SRL: variants seen among roughly 807,000 people sequenced by gnomAD.
SRL encodes the protein sarcalumenin.
Under a neutral mutation model 39.5 loss-of-function variants are expected in SRL, and 23 were observed. The observed-to-expected ratio is 0.58, with a 90% confidence interval of 0.42 to 0.82. The LOEUF is 0.82. SRL is among the 40% of genes least tolerant of loss of function. The pLI is 0.00. For missense variants in SRL, 592 were observed against 607.8 expected, an observed-to-expected ratio of 0.97 and a Z score of 0.27; for synonymous variants, 272 against 237.4, an observed-to-expected ratio of 1.15 and a Z score of -1.34.
chr16:4,240,715 C>G (rs924443010), intron 1 of SRL, among the ~76,000 whole-genome samples: 39 of 152,136 alleles, frequency 2.6e-4, no homozygotes, highest in African/African-American at 8.9e-4. Context: ...TCCTGGGGCC[C>G]AGTGTGTAGC....
chr16:4,192,497 A>T lies in SRL; in HGVS notation c.1078T>A (p.Phe360Ile). 2.5e-6 allele frequency: 4 copies of T among 1,614,178 alleles called. No individual in the cohort carries two copies. The highest frequency in any genetic ancestry group is 3.4e-6 in the Non-Finnish European group (4 of 1,180,024). Reference sequence around the variant, plus strand: ...AAGACCAGTTCTCCATCACTGAAGAAGGTCATTTTGTCCTTGTAAGTCTGC... The same window carrying T: ...AAGACCAGTTCTCCATCACTGAAGATGGTCATTTTGTCCTTGTAAGTCTGC... Reference protein sequence around the residue: ...YLQTYKDKMTFFSDGELVFKD... With the variant: ...YLQTYKDKMTIFSDGELVFKD... The change falls in exon 6 of 6, where the codon TTC becomes ATC. Residue 360 changes from phenylalanine to isoleucine, a missense_variant. Phe to Ile is a conservative substitution (Grantham distance 21). Coordinates refer to ENST00000399609, the MANE Select transcript of SRL (RefSeq NM_001098814.2). This position sits in a 1 kb window ranked among gnomAD's most constrained non-coding sequence, Gnocchi z 4.0.
intron 3 of SRL, among the ~76,000 whole-genome samples, chr16:4,200,508 G>C (rs1422826657): frequency 6.6e-6 from 1 of 152,226 alleles, no homozygotes; most frequent in African/African-American, 2.4e-5. Flanking sequence ...AGCCCAAAAG[G>C]TGAGTGCAGG....
chr16:4,227,045 T>C (rs1291035896), intron 1 of SRL, among the ~76,000 whole-genome samples: 1 of 117,594 alleles, frequency 8.5e-6, no homozygotes, highest in African/African-American at 3.2e-5. Context: ...GATGGATGGA[T>C]GGATGAATGG....
At chr16:4,204,485 G>A (rs1211115268) in intron 2 of SRL, 48 bp downstream of exon 2, 2 of 1,422,344 alleles carry the variant, frequency 1.4e-6, no homozygotes, top group Non-Finnish European at 9.4e-7. Context: ...CCCGGGCCCT[G>A]GTGGCCGGGC....
rs574255445 is a variant in SRL at position 4,228,713 on chromosome 16, T to C, written c.61+13294A>G. Among the ~76,000 whole-genome samples, 995 of 149,686 alleles carry C rather than the reference T, an allele frequency of 6.6e-3. 8 individuals carry two copies. The highest frequency in any genetic ancestry group is 0.018 in the South Asian group (83 of 4,710). ...TCATGCCACTGCACTCCAGCCTGGGTGACAGAGCAAGACTCCGTCTCAAAA... is the reference window on the plus strand; with the variant it reads ...TCATGCCACTGCACTCCAGCCTGGGCGACAGAGCAAGACTCCGTCTCAAAA... On this transcript the variant is annotated intron_variant, in intron 1 of 5. Transcript: ENST00000399609.
chr16:4,213,228 T>A (rs2052414775), intron 1 of SRL, among the ~76,000 whole-genome samples: 1 of 152,082 alleles, frequency 6.6e-6, no homozygotes, highest in African/African-American at 2.4e-5. Flanking sequence ...TCCTTGAATT[T>A]GTCTGCCCCA....
At chr16:4,202,134 C>T (rs1050906802) in intron 3 of SRL, among the ~76,000 whole-genome samples, 3 of 152,186 alleles carry the variant, frequency 2.0e-5, no homozygotes, top group African/African-American at 7.2e-5. Context: ...GAGGAGCACA[C>T]AGCTGTCAGA....
intron 1 of SRL, among the ~76,000 whole-genome samples, chr16:4,226,355 T>C (rs2052588910): frequency 6.6e-6 from 1 of 151,648 alleles, no homozygotes; most frequent in African/African-American, 2.4e-5. Context: ...AATGGATGGA[T>C]GGGTAGATGG....
At chr16:4,213,404 C>CTTTTTTTTTTTTTT (rs1176583909) in intron 1 of SRL, among the ~76,000 whole-genome samples, 19 of 69,580 alleles carry the variant, frequency 2.7e-4, no homozygotes, top group African/African-American at 8.2e-4. Flanking sequence ...TTTTCTTTTT[C>CTTTTTTTTTTTTTT]TTTTTTTTTT....
intron 2 of SRL, 95 bp from the exon 3 acceptor site, chr16:4,203,356 A>G: frequency 1.0e-6 from 1 of 973,290 alleles, no homozygotes; most frequent in Middle Eastern, 3.0e-4. Flanking sequence ...GGGCAGCTCC[A>G]CCCCTGCCTG....
In SRL at chr16:4,190,091, G is replaced by T. The variant is rs1267076665; in HGVS notation, c.*2062C>A. On this transcript the variant is annotated 3_prime_UTR_variant, in exon 6 of 6. Coordinates refer to ENST00000399609, the MANE Select transcript of SRL (RefSeq NM_001098814.2). ...TCTTTCCTGGTCGACTCGTTCCTTGGAAACATTGTCCTGAGTGCCCTGGAA... is the reference window on the plus strand; with the variant it reads ...TCTTTCCTGGTCGACTCGTTCCTTGTAAACATTGTCCTGAGTGCCCTGGAA... 1 of 396,650 alleles carries T rather than the reference G, an allele frequency of 2.5e-6. No individual in the cohort carries two copies. Among genetic ancestry groups the T allele is most frequent in the African/African-American group, 2.1e-5 (1 of 48,598 alleles). The allele number at this position is 396,650 out of a possible 1,614,324, so 24.6% of individuals were successfully genotyped here. A position where few individuals can be genotyped will look rare whatever the true frequency, so the allele number is the denominator to read the frequency against.
At chr16:4,234,920 C>T (rs1281076286) in intron 1 of SRL, among the ~76,000 whole-genome samples, 1 of 152,214 alleles carries the variant, frequency 6.6e-6, no homozygotes. Context: ...ATGGGAAATT[C>T]CATCTTAGAG....
At position 4,201,871 on chromosome 16, in the gene SRL, G is replaced by C. The variant is rs534147543; in HGVS notation, c.259+1295C>G. ...GGGTTTCACCATGTTGGCTGGGCTG[G>C]TCTCGAACTCCTGACCTCATGATCT... On this transcript the variant is annotated intron_variant, in intron 3 of 5. Transcript: ENST00000399609. Among the ~76,000 whole-genome samples, 5 of 150,616 alleles carry C rather than the reference G, an allele frequency of 3.3e-5. 1 individual carries two copies. The highest frequency in any genetic ancestry group is 2.1e-4 in the South Asian group (1 of 4,802).
At chr16:4,228,526 G>C (rs531326569) in intron 1 of SRL, among the ~76,000 whole-genome samples, 11 of 152,120 alleles carry the variant, frequency 7.2e-5, no homozygotes, top group African/African-American at 2.7e-4. Context: ...ACTAGGTCAG[G>C]AGATCGAGAC....
In SRL at chr16:4,192,329, G is replaced by A; in HGVS notation, c.1246C>T (p.Leu416Phe). The change falls in exon 6 of 6, where the codon CTC becomes TTC. Residue 416 changes from leucine (L) to phenylalanine (F), a missense_variant. Leu to Phe is a conservative substitution (Grantham distance 22, BLOSUM62 0). Transcript: ENST00000399609. The surrounding 1 kb of genome is among the most constrained non-coding windows in gnomAD (Gnocchi z 4.0). ...GINPISSFKL[L>F]SQQCSYMGGC... The stretch of plus-strand genomic sequence containing the variant: ...CCCATGTAGGAGCACTGCTGGGAGA[G>A]CAGTTTGAAACTGGAAATGGGATTG... 5 of 1,614,218 alleles carry A rather than the reference G, an allele frequency of 3.1e-6. No homozygotes were observed. The highest frequency in any genetic ancestry group is 4.2e-6 in the Non-Finnish European group (5 of 1,180,036).
intron 1 of SRL, among the ~76,000 whole-genome samples, chr16:4,236,787 G>A (rs1375179750): frequency 6.6e-6 from 1 of 152,014 alleles, no homozygotes; most frequent in African/African-American, 2.4e-5. Context: ...GGGATTACAG[G>A]CGCATGCCAC....
chr16:4,234,796 C>A (rs2052698013), intron 1 of SRL, among the ~76,000 whole-genome samples: 1 of 152,218 alleles, frequency 6.6e-6, no homozygotes, highest in Non-Finnish European at 1.5e-5. Context: ...CCATTCAGGA[C>A]CCAGAAGAGA....
intron 1 of SRL, among the ~76,000 whole-genome samples, chr16:4,218,994 T>G (rs1024282703): frequency 2.6e-5 from 4 of 152,254 alleles, no homozygotes; most frequent in African/African-American, 9.6e-5. Flanking sequence ...CCATGACAGA[T>G]GGGCCCCACC....
At chr16:4,210,666 A>G (rs368411576) in intron 1 of SRL, among the ~76,000 whole-genome samples, 2 of 151,992 alleles carry the variant, frequency 1.3e-5, no homozygotes, top group East Asian at 1.9e-4. Flanking sequence ...TATTTTTAAT[A>G]GAGACAGGGT....
Sources: gnomAD v4.1 joint callset for allele counts (sites outside exome capture counted in the v4.1 genomes callset) on GRCh38, gnomAD v4.1.1 for gene constraint, Gnocchi (gnomAD v3.1) non-coding constraint, MANE v1.5 for transcripts, NCBI Gene and HGNC (gene_info 2026-07-23, HGNC 2026-07-21) for gene names.